The following NEBL variants were observed in gnomAD, a reference collection of about 807,000 sequenced individuals.
The protein encoded by NEBL is nebulette.
In NEBL, 122 loss-of-function variants were observed where a neutral mutation model predicts 140.2. That is an observed-to-expected ratio of 0.87 (90% CI 0.75 to 1.01). The LOEUF (loss-of-function observed/expected upper bound fraction) is 1.01. NEBL is among the 50% of genes least tolerant of loss of function. NEBL has a pLI of 0.00. For missense variants in NEBL, 1,365 were observed against 1,231.3 expected (o/e 1.11, Z -1.62); for synonymous variants, 436 against 398.9 (o/e 1.09, Z -1.11).
rs575362584 is a variant in NEBL at position 21,226,475 on chromosome 10, T to C, written n.348+21446A>G. On this transcript the variant is annotated intron_variant and non_coding_transcript_variant, in intron 3 of 8. Transcript: ENST00000675702. ...CCCAAAAATTGCAGTCCTGGTGGCCTAGACTGCCTTTCAAGTTTATTTAGA... is the reference window on the plus strand; with the variant it reads ...CCCAAAAATTGCAGTCCTGGTGGCCCAGACTGCCTTTCAAGTTTATTTAGA... 2.0e-5 allele frequency among the ~76,000 whole-genome samples: 3 copies of C among 152,256 alleles called. No individual in the cohort carries two copies. In the South Asian group the frequency reaches 6.2e-4, roughly 32 times the overall value.
intron 1 of NEBL, among the ~76,000 whole-genome samples, chr10:21,292,651 C>T (rs1347703525): frequency 1.3e-5 from 2 of 151,954 alleles, no homozygotes; most frequent in Non-Finnish European, 2.9e-5. Context: ...GGACTTTTTC[C>T]CTCTATTTCA....
rs1840732209 is a variant in NEBL at position 21,165,699 on chromosome 10, TA to T, written c.164+6683del. Reference sequence around the variant, plus strand: ...AGATCCCTTGGAGGATACAGACAGATAAGCTCATGGTTCCTGCACAGGGTGG... The same window carrying T: ...AGATCCCTTGGAGGATACAGACAGATAGCTCATGGTTCCTGCACAGGGTGG... On this transcript the variant is annotated intron_variant, in intron 2 of 6. Transcript: ENST00000417816. 6.6e-5 allele frequency among the ~76,000 whole-genome samples: 10 copies of T among 152,234 alleles called. No homozygotes were observed. The South Asian group carries it at 2.1e-3, about 32-fold the overall frequency.
intron 4 of NEBL, among the ~76,000 whole-genome samples, chr10:20,904,742 G>C (rs368929846): frequency 1.8e-4 from 28 of 152,122 alleles, no homozygotes; most frequent in African/African-American, 4.3e-4. Context: ...AGCATAAAAG[G>C]CTTCAGTAAA....
chr10:21,146,225 G>T, intron 2 of NEBL: 1 of 769,838 alleles, frequency 1.3e-6, no homozygotes, highest in Non-Finnish European at 2.1e-6. Context: ...TCATGCAGAG[G>T]GTACTCCGTT....
At chr10:21,063,190 T>G (rs1191024592) in intron 2 of NEBL, among the ~76,000 whole-genome samples, 1 of 152,062 alleles carries the variant, frequency 6.6e-6, no homozygotes, top group African/African-American at 2.4e-5. Flanking sequence ...CTTAACCCCA[T>G]GCACACGCAG....
chr10:20,903,546 T>C (rs1035401235), intron 4 of NEBL, among the ~76,000 whole-genome samples: 2 of 152,062 alleles, frequency 1.3e-5, no homozygotes, highest in Non-Finnish European at 2.9e-5. Flanking sequence ...AGTCCTTATA[T>C]CAAAAAGACA....
Position 21,173,108 on chromosome 10 carries a change from C to G in NEBL, c.70-631G>C, listed in dbSNP as rs546617245. On this transcript the variant is annotated intron_variant, in intron 1 of 6. Transcript: ENST00000417816. This position sits in a 1 kb window ranked among gnomAD's most constrained non-coding sequence, Gnocchi z 5.7. ...GGATCGCTCCTGGGTGTCTCTCTCC[C>G]GGGCTGTTCATCTCCGTCCCTGCCC... Among the ~76,000 whole-genome samples, 1 of 152,270 alleles carries G rather than the reference C, an allele frequency of 6.6e-6. No homozygotes were observed. Among genetic ancestry groups the G allele is most frequent in the African/African-American group, 2.4e-5 (1 of 41,558 alleles).
At chr10:21,182,482 G>GA (rs1167534322) in intron 3 of NEBL, among the ~76,000 whole-genome samples, 1 of 151,912 alleles carries the variant, frequency 6.6e-6, no homozygotes, top group Non-Finnish European at 1.5e-5. Context: ...TCTCTAAAAA[G>GA]AAAAAATATA....
At position 21,198,497 on chromosome 10, in the gene NEBL, G is replaced by T. The variant is rs558758958; in HGVS notation, n.349-26020C>A. Among the ~76,000 whole-genome samples the T allele has an allele frequency of 1.6e-3, 250 of 152,256 alleles. 9 individuals are homozygous for T. In the South Asian group the frequency reaches 0.05, roughly 30 times the overall value. ...AAAGCACCACCATCACAAAAAGGAG[G>T]ATGCTAGCAAATGTGGAATGTAGGT... On this transcript the variant is annotated intron_variant and non_coding_transcript_variant, in intron 3 of 8. Coordinates refer to the NEBL transcript ENST00000675702.
chr10:21,173,629 G>A lies in NEBL; in HGVS notation c.69+136C>T, dbSNP rs536220166. On this transcript the variant is annotated intron_variant, in intron 1 of 6. Transcript: ENST00000417816. The surrounding 1 kb of genome is among the most constrained non-coding windows in gnomAD (Gnocchi z 5.7). ...CTCCCGCTGGCGTCTTCGTTCGCGC[G>A]CCCTCCCCCCGTGCCAAGGCACACG... The A allele has an allele frequency of 2.1e-6, 3 of 1,426,194 alleles. No homozygotes were observed. Among genetic ancestry groups the A allele is most frequent in the East Asian group, 2.4e-5 (1 of 42,204 alleles). 88.3% of individuals were successfully genotyped at this position (1,426,194 alleles called of 1,614,324 possible).
chr10:21,000,548 C>T (rs11012473), intron 3 of NEBL, among the ~76,000 whole-genome samples: 18,100 of 151,966 alleles, frequency 0.12, 2,439 homozygotes, highest in East Asian at 0.43. Context: ...GTAAATGAGT[C>T]AAGCAGGAGA....
upstream of NEBL, among the ~76,000 whole-genome samples, chr10:21,177,726 C>A (rs1031054682): frequency 1.3e-5 from 2 of 152,088 alleles, no homozygotes; most frequent in African/African-American, 4.8e-5. Context: ...GATGGGGTTT[C>A]ACTGCGTTAG....
In NEBL at chr10:21,094,284, C is replaced by T. The variant is rs535779660; in HGVS notation, c.165-74083G>A. Among the ~76,000 whole-genome samples the T allele has an allele frequency of 4.2e-3, 646 of 152,020 alleles. 5 individuals carry two copies. The highest frequency in any genetic ancestry group is 0.015 in the African/African-American group (609 of 41,486). On this transcript the variant is annotated intron_variant, in intron 2 of 6. Coordinates refer to the NEBL transcript ENST00000417816. ...TTGGGAGGCCGAGGTGGGCGGATCA[C>T]GAGGTCAGGAGATCGAGACCATCCT...
At position 20,993,804 on chromosome 10, in the gene NEBL, G is replaced by A. The variant is rs1837562762; in HGVS notation, c.249+26313C>T. 1.3e-5 allele frequency among the ~76,000 whole-genome samples: 2 copies of A among 152,198 alleles called. 1 individual carries two copies. The highest frequency in any genetic ancestry group is 4.1e-4 in the South Asian group (2 of 4,830). ...AAAAAGGGGGAGGTGACGAAGGGAAGGAAAACACTTCGACAATTACAGAGG... is the reference window on the plus strand; with the variant it reads ...AAAAAGGGGGAGGTGACGAAGGGAAAGAAAACACTTCGACAATTACAGAGG... On this transcript the variant is annotated intron_variant, in intron 3 of 6. Coordinates refer to the NEBL transcript ENST00000417816.
rs191983930 is a variant in NEBL, at chr10:21,203,944, G to A, written n.349-31467C>T. 5.9e-5 allele frequency among the ~76,000 whole-genome samples: 9 copies of A among 152,236 alleles called. No homozygotes were observed. The East Asian group carries it at 9.7e-4, about 16-fold the overall frequency. ...CAGTGGAGTGTGCTCTTTCCCTGACGTCAACAGCAGCTTTGTTTCAGGAAT... is the reference window on the plus strand; with the variant it reads ...CAGTGGAGTGTGCTCTTTCCCTGACATCAACAGCAGCTTTGTTTCAGGAAT... On this transcript the variant is annotated intron_variant and non_coding_transcript_variant, in intron 3 of 8. Transcript: ENST00000675702.
chr10:21,262,667 C>A (rs1299533538), intron 1 of NEBL, among the ~76,000 whole-genome samples: 1 of 152,136 alleles, frequency 6.6e-6, no homozygotes, highest in Non-Finnish European at 1.5e-5. Context: ...AGCCTCATTT[C>A]CAAGAGAAGG....
At chr10:21,220,880 GCATGGCGGCT>G (rs1400495794) in intron 3 of NEBL, among the ~76,000 whole-genome samples, 1 of 152,230 alleles carries the variant, frequency 6.6e-6, no homozygotes, top group Admixed American at 6.5e-5. Flanking sequence ...ATACAGTTGG[GCATGGCGGCT>G]CATGCCAGTA....
chr10:21,101,235 T>C (rs1181544103), intron 2 of NEBL, among the ~76,000 whole-genome samples: 4 of 152,228 alleles, frequency 2.6e-5, no homozygotes, highest in African/African-American at 9.6e-5. Flanking sequence ...TCTGTAAGGC[T>C]ACAGCTTCTG....
At chr10:20,920,673 G>C (rs1833539072) in intron 4 of NEBL, among the ~76,000 whole-genome samples, 1 of 152,088 alleles carries the variant, frequency 6.6e-6, no homozygotes, top group African/African-American at 2.4e-5. Context: ...GTAAAGGTCA[G>C]AATAGGAAGG....
Sources: allele counts gnomAD v4.1 joint callset (sites outside exome capture counted in the v4.1 genomes callset), GRCh38; gene constraint gnomAD v4.1.1; non-coding constraint Gnocchi (gnomAD v3.1); transcripts MANE v1.5; gene names NCBI Gene and HGNC (gene_info 2026-07-23, HGNC 2026-07-21).